Variants in SOX6 observed in about 807,000 individuals in gnomAD.
SOX6 encodes the protein SRY-box transcription factor 6.
Under a neutral mutation model 97.8 loss-of-function variants are expected in SOX6, and 11 were observed. The observed-to-expected ratio is 0.11, with a 90% confidence interval of 0.07 to 0.19. The LOEUF is 0.19. Among genes scored for constraint, SOX6 ranks in the 10% least tolerant of loss-of-function variants. The pLI is 1.00. For missense variants in SOX6, 810 were observed against 1,039.5 expected (o/e 0.78, Z 3.04); for synonymous variants, 360 against 371.4 (o/e 0.97, Z 0.35).
intron 1 of SOX6, among the ~76,000 whole-genome samples, chr11:16,392,639 T>C (rs1858219842): frequency 6.6e-6 from 1 of 152,266 alleles, no homozygotes; most frequent in Admixed American, 6.5e-5. Context: ...ATGATTCCTC[T>C]TGTTTCCCTT....
intron 6 of SOX6, among the ~76,000 whole-genome samples, chr11:16,175,265 A>C (rs1423487497): frequency 6.6e-6 from 1 of 151,958 alleles, no homozygotes; most frequent in African/African-American, 2.4e-5. Context: ...ATACCTAGTC[A>C]TACAAGAACA....
chr11:16,119,831 C>T (rs927031076), intron 6 of SOX6, among the ~76,000 whole-genome samples: 6 of 152,112 alleles, frequency 3.9e-5, no homozygotes, highest in Non-Finnish European at 8.8e-5. Flanking sequence ...TCTTATTTAG[C>T]AAATCTGTGG....
chr11:16,184,859 GCCA>G lies in SOX6; in HGVS notation c.709-908_709-906del, dbSNP rs1851429864. ...GATCCTTAGTGAGAACACACTCACT[GCCA>G]ACCTAGGAAGCCAGAGAGAAAAGCA... On this transcript the variant is annotated intron_variant, in intron 5 of 15. Coordinates refer to ENST00000683767, the MANE Select transcript of SOX6 (RefSeq NM_001367873.1). 2.6e-5 allele frequency among the ~76,000 whole-genome samples: 4 copies of G among 152,050 alleles called. No homozygotes were observed. The South Asian group carries it at 8.3e-4, about 32-fold the overall frequency.
chr11:16,196,833 T>C (rs1239824280), intron 4 of SOX6, among the ~76,000 whole-genome samples: 35 of 140,076 alleles, frequency 2.5e-4, no homozygotes, highest in Non-Finnish European at 3.9e-4. Context: ...TCTTCTTCTT[T>C]TTTTTTTTTT....
chr11:16,285,486 A>G (rs1854706592), intron 3 of SOX6, among the ~76,000 whole-genome samples: 1 of 152,094 alleles, frequency 6.6e-6, no homozygotes, highest in Non-Finnish European at 1.5e-5. Context: ...GTGAGTCGAG[A>G]TCGCACCATT....
intron 6 of SOX6, among the ~76,000 whole-genome samples, chr11:16,118,315 C>T (rs1041943483): frequency 1.3e-5 from 2 of 152,242 alleles, no homozygotes; most frequent in Non-Finnish European, 2.9e-5. Flanking sequence ...GGGTGGGGAA[C>T]ATATTCTTGA....
At chr11:16,023,456 C>A (rs1855127306) in intron 12 of SOX6, among the ~76,000 whole-genome samples, 1 of 152,052 alleles carries the variant, frequency 6.6e-6, no homozygotes, top group African/African-American at 2.4e-5. Flanking sequence ...ATTTTCAGAT[C>A]CTATTTAAAG....
Position 15,966,626 on chromosome 11 carries a change from C to T in SOX6, c.*6183G>A, listed in dbSNP as rs1182869415. 2 of 151,770 alleles carry T rather than the reference C, an allele frequency of 1.3e-5. No individual in the cohort carries two copies. The highest frequency in any genetic ancestry group is 2.9e-5 in the Non-Finnish European group (2 of 67,990). 9.4% of individuals were successfully genotyped at this position (151,770 alleles called of 1,614,324 possible). ...CCATCACGGCATATACATTATCACC[C>T]AAAGATGGCATGTTGAACATATCAG... On this transcript the variant is annotated 3_prime_UTR_variant, in exon 16 of 16. Transcript: ENST00000683767.
chr11:16,626,259 C>G (rs1278655477), intron 3 of SOX6, among the ~76,000 whole-genome samples: 1 of 152,170 alleles, frequency 6.6e-6, no homozygotes, highest in African/African-American at 2.4e-5. Flanking sequence ...ACAGGCGAAG[C>G]TCATTTTTTT....
At chr11:16,529,851 A>T (rs1018871091) in intron 4 of SOX6, among the ~76,000 whole-genome samples, 1 of 152,072 alleles carries the variant, frequency 6.6e-6, no homozygotes, top group Admixed American at 6.6e-5. Flanking sequence ...CCAATGCAGT[A>T]TGTGTCTGTG....
intron 1 of SOX6, among the ~76,000 whole-genome samples, chr11:16,342,928 A>G (rs557469021): frequency 9.9e-4 from 151 of 152,008 alleles, no homozygotes; most frequent in African/African-American, 3.1e-3. Context: ...ACTAGAAAAT[A>G]AAATGGGGGA....
At chr11:16,377,919 A>T (rs1304174489) in intron 1 of SOX6, among the ~76,000 whole-genome samples, 1 of 152,166 alleles carries the variant, frequency 6.6e-6, no homozygotes, top group African/African-American at 2.4e-5. Context: ...ACGGTTTCAA[A>T]CTGTTGGGCG....
At chr11:16,287,271 C>CTG (rs1854777520) in intron 3 of SOX6, among the ~76,000 whole-genome samples, 1 of 1,362 alleles carries the variant, frequency 7.3e-4, no homozygotes, top group African/African-American at 9.4e-4. Flanking sequence ...CTCTCTCTCT[C>CTG]TCTCTCTCTC....
intron 2 of SOX6, among the ~76,000 whole-genome samples, chr11:16,723,313 T>G (rs1038674545): frequency 1.3e-5 from 2 of 151,776 alleles, no homozygotes; most frequent in Non-Finnish European, 2.9e-5. Context: ...CAACAGACAC[T>G]GGGGGCTTCT....
chr11:16,226,197 G>T (rs1042928868), intron 4 of SOX6, among the ~76,000 whole-genome samples: 2 of 152,020 alleles, frequency 1.3e-5, no homozygotes, highest in Non-Finnish European at 2.9e-5. Flanking sequence ...AGCTAAAGAA[G>T]AGTATACCTA....
intron 8 of SOX6, among the ~76,000 whole-genome samples, chr11:16,097,201 C>G (rs976555003): frequency 2.0e-4 from 31 of 151,760 alleles, no homozygotes; most frequent in Non-Finnish European, 3.1e-4. Context: ...AAATAACAAC[C>G]CCTTATTCTA....
intron 4 of SOX6, among the ~76,000 whole-genome samples, chr11:16,558,854 G>A (rs1847777447): frequency 6.6e-6 from 1 of 151,840 alleles, no homozygotes; most frequent in East Asian, 1.9e-4. Context: ...TTCTTTCAAA[G>A]TAAAAAACAA....
chr11:16,211,495 G>C (rs1318431601), intron 4 of SOX6, among the ~76,000 whole-genome samples: 1 of 151,974 alleles, frequency 6.6e-6, no homozygotes, highest in Non-Finnish European at 1.5e-5. Flanking sequence ...ATGGGGCAAG[G>C]TTTAAGGAAA....
intron 6 of SOX6, among the ~76,000 whole-genome samples, chr11:16,158,844 T>TC (rs1850668548): frequency 6.6e-6 from 1 of 151,364 alleles, no homozygotes; most frequent in Non-Finnish European, 1.5e-5. Flanking sequence ...CTTGCATTAG[T>TC]CCTATGTGCT....
Sources: gnomAD v4.1 joint callset for allele counts (sites outside exome capture counted in the v4.1 genomes callset) on GRCh38, gnomAD v4.1.1 for gene constraint, MANE v1.5 for transcripts, NCBI Gene and HGNC (gene_info 2026-07-23, HGNC 2026-07-21) for gene names.